The following GRID2 variants were observed in gnomAD, a reference collection of about 807,000 sequenced individuals.
The protein encoded by GRID2 is glutamate receptor ionotropic, delta-2.
In GRID2, 33 loss-of-function variants were observed where a neutral mutation model predicts 114.8. The ratio of observed to expected loss-of-function variants is 0.29; its 90% confidence interval spans 0.22 to 0.38. The LOEUF (loss-of-function observed/expected upper bound fraction) is 0.38. Ranked by LOEUF, GRID2 falls within the 10% of genes least tolerant of loss-of-function variation. The pLI is 1.00. For missense variants in GRID2, 1,184 were observed against 1,257.7 expected (o/e 0.94, Z 0.89); for synonymous variants, 505 against 449.9 (o/e 1.12, Z -1.55).
At chr4:93,188,504 G>A (rs903912605) in intron 4 of GRID2, among the ~76,000 whole-genome samples, 1 of 152,172 alleles carries the variant, frequency 6.6e-6, no homozygotes, top group Non-Finnish European at 1.5e-5. Context: ...TCTCTGAGAT[G>A]CATTTGTGGA....
chr4:92,900,933 C>CGTGTGTGTGTGT (rs1383640338), intron 2 of GRID2, among the ~76,000 whole-genome samples: 3 of 58,538 alleles, frequency 5.1e-5, no homozygotes, highest in Admixed American at 2.2e-4. Context: ...GAGTAGTATT[C>CGTGTGTGTGTGT]GTCTGTGTGT....
intron 2 of GRID2, among the ~76,000 whole-genome samples, chr4:93,002,489 A>G (rs1721100238): frequency 1.3e-5 from 2 of 151,568 alleles, no homozygotes; most frequent in Admixed American, 1.3e-4. Context: ...GACACTAAAT[A>G]TTTACAGGTC....
intron 2 of GRID2, among the ~76,000 whole-genome samples, chr4:92,893,093 G>T (rs1746901329): frequency 6.6e-6 from 1 of 152,082 alleles, no homozygotes; most frequent in Admixed American, 6.6e-5. Context: ...TCTTGGACTT[G>T]TATTTACTTT....
Position 93,772,204 on chromosome 4 carries a change from G to A in GRID2, c.2730G>A (p.Leu910=). 1 of 1,613,980 alleles carries A rather than the reference G, an allele frequency of 6.2e-7. No homozygotes were observed. The highest frequency in any genetic ancestry group is 8.5e-7 in the Non-Finnish European group (1 of 1,179,958). ...TGACCCCTCTGGACATTGACACTTT[G>A]CCAACACGACAAGCACTGGAGCAAA... ...IDLTPLDIDT[L]PTRQALEQIS... Residue 910 remains leucine, a synonymous_variant, in exon 16 of 16, where the codon TTG becomes TTA. Coordinates refer to ENST00000282020, the MANE Select transcript of GRID2 (RefSeq NM_001510.4).
intron 4 of GRID2, among the ~76,000 whole-genome samples, chr4:93,154,594 AT>A (rs1278811638): frequency 5.3e-5 from 8 of 152,002 alleles, no homozygotes; most frequent in Non-Finnish European, 1.2e-4. Flanking sequence ...GTAAGACATA[AT>A]TTTTTATATA....
intron 1 of GRID2, among the ~76,000 whole-genome samples, chr4:92,509,301 A>T (rs1222168004): frequency 6.6e-6 from 1 of 151,916 alleles, no homozygotes; most frequent in Non-Finnish European, 1.5e-5. Context: ...CTCTTGGCTT[A>T]TTCTTCTTTG....
chr4:93,672,774 C>T (rs538660014), intron 14 of GRID2, among the ~76,000 whole-genome samples: 2 of 152,324 alleles, frequency 1.3e-5, no homozygotes, highest in East Asian at 3.9e-4. Flanking sequence ...GATATCCTAT[C>T]TTTTATACCA....
At chr4:92,594,566 C>A (rs1728858480) in intron 2 of GRID2, among the ~76,000 whole-genome samples, 7 of 151,806 alleles carry the variant, frequency 4.6e-5, no homozygotes, top group Admixed American at 4.6e-4. Flanking sequence ...CTGTGTCTGA[C>A]TTTAAAATAG....
At chr4:92,900,631 C>A (rs964764195) in intron 2 of GRID2, among the ~76,000 whole-genome samples, 4 of 152,076 alleles carry the variant, frequency 2.6e-5, no homozygotes, top group Non-Finnish European at 5.9e-5. Flanking sequence ...GAGATCGAGA[C>A]CATCCTGGCT....
chr4:93,575,413 T>C (rs1736326965), intron 13 of GRID2, among the ~76,000 whole-genome samples: 3 of 152,192 alleles, frequency 2.0e-5, no homozygotes, highest in Admixed American at 1.3e-4. Context: ...TAACATCATG[T>C]TACCTTGATT....
At chr4:92,597,987 G>C (rs1729032603) in intron 2 of GRID2, among the ~76,000 whole-genome samples, 1 of 152,030 alleles carries the variant, frequency 6.6e-6, no homozygotes, top group South Asian at 2.1e-4. Context: ...GTTAATTTTA[G>C]AAGAAATAGC....
At chr4:93,617,572 T>C (rs1423903667) in intron 13 of GRID2, among the ~76,000 whole-genome samples, 1 of 152,188 alleles carries the variant, frequency 6.6e-6, no homozygotes, top group Non-Finnish European at 1.5e-5. Flanking sequence ...GATAACATTG[T>C]CATTTAGCCT....
intron 14 of GRID2, among the ~76,000 whole-genome samples, chr4:93,732,818 C>A (rs529024539): frequency 4.9e-4 from 75 of 151,866 alleles, no homozygotes; most frequent in Non-Finnish European, 7.9e-4. Flanking sequence ...TGCTTTAGTA[C>A]AAATGTCCTT....
At chr4:92,323,814 C>G (rs1726453862) in intron 1 of GRID2, among the ~76,000 whole-genome samples, 1 of 151,984 alleles carries the variant, frequency 6.6e-6, no homozygotes, top group Non-Finnish European at 1.5e-5. Context: ...TTGTCCAGAG[C>G]CTAGGACCCT....
chr4:92,662,505 C>T lies in GRID2; in HGVS notation c.244+72219C>T, dbSNP rs553109040. On this transcript the variant is annotated intron_variant, in intron 2 of 15. Coordinates refer to ENST00000282020, the MANE Select transcript of GRID2 (RefSeq NM_001510.4). Reference sequence around the variant, plus strand: ...GGATATATGATGAATCATATCCAAGCAAAAAAGTTACTTTGAATCATTGTC... The same window carrying T: ...GGATATATGATGAATCATATCCAAGTAAAAAAGTTACTTTGAATCATTGTC... Among the ~76,000 whole-genome samples the T allele has an allele frequency of 3.3e-5, 5 of 150,674 alleles. No homozygotes were observed. In the East Asian group the frequency reaches 9.7e-4, roughly 29 times the overall value.
intron 2 of GRID2, among the ~76,000 whole-genome samples, chr4:92,928,524 A>T (rs531750980): frequency 6.6e-6 from 1 of 151,726 alleles, no homozygotes; most frequent in Non-Finnish European, 1.5e-5. Context: ...TGCTGTGCCA[A>T]TGTAGTTCTG....
intron 4 of GRID2, among the ~76,000 whole-genome samples, chr4:93,118,139 C>T (rs535435107): frequency 7.2e-4 from 110 of 152,284 alleles, no homozygotes; most frequent in African/African-American, 1.2e-3. Flanking sequence ...CTGTAGTCTA[C>T]GGCTTCTGCC....
chr4:93,470,160 AT>A (rs1212553242), intron 11 of GRID2, among the ~76,000 whole-genome samples: 2 of 152,066 alleles, frequency 1.3e-5, no homozygotes, highest in African/African-American at 4.8e-5. Context: ...ACACAAACAC[AT>A]TTTTTATAAT....
At chr4:93,590,059 T>G (rs1196307357) in intron 13 of GRID2, among the ~76,000 whole-genome samples, 2 of 150,764 alleles carry the variant, frequency 1.3e-5, no homozygotes, top group African/African-American at 2.4e-5. Flanking sequence ...TTAGTTTAAT[T>G]AGATCCCATT....
Sources: allele counts gnomAD v4.1 joint callset (sites outside exome capture counted in the v4.1 genomes callset), GRCh38; gene constraint gnomAD v4.1.1; transcripts MANE v1.5; gene names NCBI Gene and HGNC (gene_info 2026-07-23, HGNC 2026-07-21).